ZNF831: variants seen among roughly 807,000 people sequenced by gnomAD.
The protein encoded by ZNF831 is chromosome 20 open reading frame 174.
A neutral mutation model predicts 95.8 loss-of-function variants in ZNF831; 59 were observed. The observed-to-expected ratio is 0.62, with a 90% CI of 0.50 to 0.77. The LOEUF is 0.77. Among genes scored for constraint, ZNF831 ranks in the 30% least tolerant of loss-of-function variants. The pLI is 0.00. For missense variants in ZNF831, 2,205 were observed against 2,164.0 expected, an observed-to-expected ratio of 1.02 and a Z score of -0.38; for synonymous variants, 961 against 925.5, an observed-to-expected ratio of 1.04 and a Z score of -0.70.
chr20:59,192,388 C>T lies in ZNF831; in HGVS notation c.1369C>T (p.Arg457Cys), dbSNP rs1279975593. 1 of 1,612,058 alleles carries T rather than the reference C, an allele frequency of 6.2e-7. No individual in the cohort carries two copies. Among genetic ancestry groups the T allele is most frequent in the African/African-American group, 1.3e-5 (1 of 74,898 alleles). Residue 457 changes from arginine (R) to cysteine (C), a missense_variant, in exon 2 of 6, where the codon CGC (arginine) becomes TGC (cysteine). Transcript: ENST00000371030. The surrounding 1 kb of genome is among the most constrained non-coding windows in gnomAD (Gnocchi z 5.2). The stretch of plus-strand genomic sequence containing the variant: ...CAAGGACTCCTTCCACTTTGACATC[C>T]GCGCGCTGGAGCCAGGCCGTAGGAG... ...TYKDSFHFDIRALEPGRRRAP... is the reference protein window; with the variant it reads ...TYKDSFHFDICALEPGRRRAP...
intron 4 of ZNF831, among the ~76,000 whole-genome samples, chr20:59,229,093 T>C (rs990313479): frequency 6.6e-6 from 1 of 152,216 alleles, no homozygotes; most frequent in Non-Finnish European, 1.5e-5. Context: ...TCACTTAACA[T>C]AATGACCTCC....
At chr20:59,222,607 T>C (rs1468215761) in intron 4 of ZNF831, among the ~76,000 whole-genome samples, 1 of 152,144 alleles carries the variant, frequency 6.6e-6, no homozygotes, top group Admixed American at 6.5e-5. Context: ...AAACAAGCCT[T>C]GTGAATTTAT....
intron 1 of ZNF831, among the ~76,000 whole-genome samples, chr20:59,185,361 G>T (rs1982933066): frequency 6.6e-6 from 1 of 152,166 alleles, no homozygotes; most frequent in South Asian, 2.1e-4. Flanking sequence ...ATCGTGGCAG[G>T]TGTGTCGGAA....
chr20:59,252,313 T>C (rs1987930147), intron 4 of ZNF831, among the ~76,000 whole-genome samples: 1 of 152,100 alleles, frequency 6.6e-6, no homozygotes, highest in South Asian at 2.1e-4. Context: ...TTTTAAGATA[T>C]TTCTCTGATC....
chr20:59,242,992 ATTTTG>A (rs547702240), intron 4 of ZNF831, among the ~76,000 whole-genome samples: 28 of 152,252 alleles, frequency 1.8e-4, no homozygotes, highest in Middle Eastern at 3.4e-3. Flanking sequence ...ATTCTGTCCT[ATTTTG>A]TTTTATCTTC....
At position 59,193,727 on chromosome 20, in the gene ZNF831, C is replaced by T. The variant is rs2146588294; in HGVS notation, c.2708C>T (p.Ala903Val). 6.2e-7 allele frequency: 1 copy of T among 1,611,430 alleles called. No homozygotes were observed. ...AAGAGGGTGGGGCCAAGGGACAAGG[C>T]TACCCCACTGCATCCTGCAGCCCCA... ...ALKRVGPRDK[A>V]TPLHPAAPAP... is the part of the protein sequence containing the mutation. Residue 903 changes from alanine to valine, a missense_variant, in exon 2 of 6, where the codon GCT (alanine) becomes GTT (valine). By Grantham distance (64) the Ala-to-Val change is moderately conservative. Transcript: ENST00000371030.
rs375503499 is a variant in ZNF831, at chr20:59,217,162, C to CTCTGTGTGTG, written c.4027+10107_4027+10108insCTGTGTGTGT. Among the ~76,000 whole-genome samples, 54 of 148,738 alleles carry CTCTGTGTGTG rather than the reference C, an allele frequency of 3.6e-4. No homozygotes were observed. In the East Asian group the frequency reaches 6.2e-3, roughly 17 times the overall value. ...GAGTACATCTGACAGATCTTCATCT[C>CTCTGTGTGTG]TGTGTGTGTGTGTGTGTGTGTGTGT... On this transcript the variant is annotated intron_variant, in intron 4 of 5. Coordinates refer to ENST00000371030, the MANE Select transcript of ZNF831 (RefSeq NM_178457.3). The surrounding 1 kb of genome is among the most constrained non-coding windows in gnomAD (Gnocchi z 4.4).
chr20:59,159,556 A>G (rs985798140), upstream of ZNF831: 3 of 152,108 alleles, frequency 2.0e-5, no homozygotes, highest in African/African-American at 7.2e-5. Flanking sequence ...ATGCACGGAG[A>G]TGAGAGCGGT....
intron 4 of ZNF831, among the ~76,000 whole-genome samples, chr20:59,211,020 A>G (rs1162736423): frequency 6.8e-6 from 1 of 146,378 alleles, no homozygotes; most frequent in African/African-American, 2.6e-5. Flanking sequence ...GGCCTGGGCG[A>G]CAGAGCGAGA....
chr20:59,161,211 A>T (rs1980835871), upstream of ZNF831, among the ~76,000 whole-genome samples: 1 of 152,126 alleles, frequency 6.6e-6, no homozygotes, highest in Non-Finnish European at 1.5e-5. Context: ...ACTGTGATCT[A>T]ATTCCAGAAC....
intron 4 of ZNF831, among the ~76,000 whole-genome samples, chr20:59,234,314 GGT>G (rs1291035049): frequency 6.6e-6 from 1 of 151,946 alleles, no homozygotes; most frequent in Non-Finnish European, 1.5e-5. Context: ...CATCTTGATG[GGT>G]GTGTGACCAA....
At chr20:59,218,138 A>G (rs7272274) in intron 4 of ZNF831, among the ~76,000 whole-genome samples, 6,791 of 152,304 alleles carry the variant, frequency 0.045, 534 homozygotes, top group African/African-American at 0.16. Context: ...GAGCAGAGTC[A>G]TCATTCCTCA....
Position 59,192,135 on chromosome 20 carries a change from G to A in ZNF831, c.1116G>A (p.Glu372=), listed in dbSNP as rs188709630. The change falls in exon 2 of 6, where the codon GAG becomes GAA. Residue 372 remains glutamate, a synonymous_variant. Coordinates refer to ENST00000371030, the MANE Select transcript of ZNF831 (RefSeq NM_178457.3). This position sits in a 1 kb window ranked among gnomAD's most constrained non-coding sequence, Gnocchi z 5.2. ...ACAGCCTTTCGGAGCACAGCGCCGAGTCCGAGGGGGAGGGCGGCCCGGGCC... is the reference window on the plus strand; with the variant it reads ...ACAGCCTTTCGGAGCACAGCGCCGAATCCGAGGGGGAGGGCGGCCCGGGCC... ...PLHSLSEHSA[E]SEGEGGPGPG... The A allele has an allele frequency of 4.6e-5, 72 of 1,568,734 alleles. 1 individual carries two copies. The East Asian group carries it at 1.5e-3, about 33-fold the overall frequency.
chr20:59,177,040 C>A (rs6100357), intron 1 of ZNF831, among the ~76,000 whole-genome samples: 1 of 152,172 alleles, frequency 6.6e-6, no homozygotes, highest in Non-Finnish European at 1.5e-5. Context: ...CAGAGGTCAC[C>A]TTCCAAGTGG....
chr20:59,138,438 G>A (rs1344917151), intron 1 of ZNF831, among the ~76,000 whole-genome samples: 3 of 151,656 alleles, frequency 2.0e-5, no homozygotes, highest in Non-Finnish European at 3.0e-5. Flanking sequence ...CTTCAGTCTC[G>A]CTGGCCCCCG....
chr20:59,235,654 A>G (rs1372246372), intron 4 of ZNF831, among the ~76,000 whole-genome samples: 2 of 152,134 alleles, frequency 1.3e-5, no homozygotes, highest in Non-Finnish European at 2.9e-5. Context: ...CCCTGGACCT[A>G]TAATCAGTGG....
At chr20:59,249,035 C>T (rs957026826) in intron 4 of ZNF831, among the ~76,000 whole-genome samples, 3 of 152,212 alleles carry the variant, frequency 2.0e-5, no homozygotes, top group Non-Finnish European at 2.9e-5. Context: ...CCTGCATTCA[C>T]GACTGTCCTT....
Position 59,129,547 on chromosome 20 carries a change from C to T in ZNF831, c.-1425+6042C>T, listed in dbSNP as rs796740570. On this transcript the variant is annotated intron_variant, in intron 1 of 7. Transcript: ENST00000637017. ...CTGAGGCAGGAGAATTGCTTGAATC[C>T]GGGAGGCAGAAGTTGCAGTGAGCCG... is the stretch of plus-strand genomic sequence containing the variant. Among the ~76,000 whole-genome samples, 137 of 152,240 alleles carry T rather than the reference C, an allele frequency of 9.0e-4. 1 individual carries two copies. Among genetic ancestry groups the T allele is most frequent in the African/African-American group, 3.0e-3 (123 of 41,542 alleles).
In ZNF831 at chr20:59,217,161, T is replaced by C. The variant is rs1171682788; in HGVS notation, c.4027+10105T>C. Among the ~76,000 whole-genome samples the C allele has an allele frequency of 7.0e-6, 1 of 142,244 alleles. No homozygotes were observed. The highest frequency in any genetic ancestry group is 1.5e-5 in the Non-Finnish European group (1 of 66,516). 93.3% of individuals were successfully genotyped at this position (142,244 alleles called of 152,430 possible). ...GGAGTACATCTGACAGATCTTCATC[T>C]CTGTGTGTGTGTGTGTGTGTGTGTG... is the stretch of plus-strand genomic sequence containing the variant. On this transcript the variant is annotated intron_variant, in intron 4 of 5. Coordinates refer to ENST00000371030, the MANE Select transcript of ZNF831 (RefSeq NM_178457.3). The surrounding 1 kb of genome is among the most constrained non-coding windows in gnomAD (Gnocchi z 4.4).
Sources: gnomAD v4.1 joint callset for allele counts (sites outside exome capture counted in the v4.1 genomes callset) on GRCh38, gnomAD v4.1.1 for gene constraint, Gnocchi (gnomAD v3.1) non-coding constraint, MANE v1.5 for transcripts, NCBI Gene and HGNC (gene_info 2026-07-23, HGNC 2026-07-21) for gene names.